The following NINJ2 variants were observed in gnomAD, a reference collection of about 807,000 sequenced individuals.
The protein encoded by NINJ2 is ninjurin 2.
A neutral mutation model predicts 11.7 loss-of-function variants in NINJ2; 12 were observed. The ratio of observed to expected loss-of-function variants is 1.02; its 90% CI spans 0.66 to 1.66. The LOEUF is 1.66. Among genes scored for constraint, NINJ2 ranks in the 40% most tolerant of loss-of-function variants. The pLI is 0.00. For missense variants in NINJ2, 187 were observed against 181.8 expected, an observed-to-expected ratio of 1.03 and a Z score of -0.16; for synonymous variants, 93 against 76.8, an observed-to-expected ratio of 1.21 and a Z score of -1.10.
chr12:583,209 G>T (rs973754428), intron 1 of NINJ2, among the ~76,000 whole-genome samples: 6 of 149,086 alleles, frequency 4.0e-5, no homozygotes, highest in African/African-American at 1.5e-4. Flanking sequence ...GTGCAGGCAG[G>T]CAGGCATGCT....
chr12:606,634 A>C (rs1348235404), intron 1 of NINJ2, among the ~76,000 whole-genome samples: 2 of 152,180 alleles, frequency 1.3e-5, no homozygotes, highest in Non-Finnish European at 2.9e-5. Flanking sequence ...GAGGAGTGAA[A>C]TGGCACTCGA....
chr12:600,059 C>T (rs1055435981), intron 1 of NINJ2, among the ~76,000 whole-genome samples: 11 of 152,222 alleles, frequency 7.2e-5, no homozygotes, highest in African/African-American at 2.7e-4. Context: ...TTCACATTTA[C>T]TCCTTTACTC....
At chr12:565,432 C>G in intron 2 of NINJ2, 31 bp from the exon 3 acceptor site, 4 of 1,607,166 alleles carry the variant, frequency 2.5e-6, no homozygotes, top group South Asian at 1.1e-5. Flanking sequence ...GGGAAAGGGT[C>G]AGAGACGGGG....
At position 652,332 on chromosome 12, in the gene NINJ2, C is replaced by T. The variant is rs566993802; in HGVS notation, c.33+10996G>A. 1.8e-3 allele frequency among the ~76,000 whole-genome samples: 272 copies of T among 152,312 alleles called. 1 individual carries two copies. Among genetic ancestry groups the T allele is most frequent in the Non-Finnish European group, 2.6e-3 (175 of 68,028 alleles). On this transcript the variant is annotated intron_variant, in intron 1 of 3. Coordinates refer to ENST00000305108, the MANE Select transcript of NINJ2 (RefSeq NM_016533.6). Reference sequence around the variant, plus strand: ...TTCTCTATCTTGCAAAATTATCCCTCTAAAGGGAAGGAGAAATAAAGACTT... The same window carrying T: ...TTCTCTATCTTGCAAAATTATCCCTTTAAAGGGAAGGAGAAATAAAGACTT...
intron 1 of NINJ2, among the ~76,000 whole-genome samples, chr12:595,620 G>A (rs1163224804): frequency 1.3e-5 from 2 of 152,206 alleles, no homozygotes; most frequent in Non-Finnish European, 2.9e-5. Flanking sequence ...GGGCGTGTTG[G>A]TGCATGCCTG....
At chr12:577,177 T>A (rs957953297) in intron 1 of NINJ2, among the ~76,000 whole-genome samples, 1 of 152,020 alleles carries the variant, frequency 6.6e-6, no homozygotes, top group East Asian at 1.9e-4. Context: ...TTTCAGTACA[T>A]TATTCAATAA....
chr12:657,594 AT>A (rs1848518739), intron 1 of NINJ2, among the ~76,000 whole-genome samples: 1 of 152,168 alleles, frequency 6.6e-6, no homozygotes, highest in Admixed American at 6.6e-5. Context: ...TTCTCAAAAA[AT>A]AAATAAATAA....
chr12:601,405 A>G lies in NINJ2; in HGVS notation c.34-35227T>C, dbSNP rs376471022. ...ACTAAAAATACAAAAAAAATTAGCCAGGCGTGGTGGCGGGCGCCTGTAGTC... is the reference window on the plus strand; with the variant it reads ...ACTAAAAATACAAAAAAAATTAGCCGGGCGTGGTGGCGGGCGCCTGTAGTC... On this transcript the variant is annotated intron_variant, in intron 1 of 3. Transcript: ENST00000305108. Among the ~76,000 whole-genome samples, 231 of 151,106 alleles carry G rather than the reference A, an allele frequency of 1.5e-3. 1 individual carries two copies. In the South Asian group the frequency reaches 0.023, roughly 15 times the overall value.
chr12:565,976 A>G lies in NINJ2; in HGVS notation c.236T>C (p.Val79Ala), dbSNP rs150149790. The change falls in exon 2 of 4, where the codon GTC becomes GCC. Residue 79 changes from valine to alanine, a missense_variant. Val to Ala is a moderately conservative substitution (Grantham distance 64, BLOSUM62 0). Transcript: ENST00000305108. ...LISLSLLLQVVIGVLLVVIAR... is the reference protein window; with the variant it reads ...LISLSLLLQVAIGVLLVVIAR... The stretch of plus-strand genomic sequence containing the variant: ...AATGACCACGAGCAGGACACCGATG[A>G]CCACCTGCAGGAGCAGAGAGAGGCT... The G allele has an allele frequency of 3.2e-4, 522 of 1,614,206 alleles. No homozygotes were observed. In the African/African-American group the frequency reaches 3.5e-3, roughly 11 times the overall value.
At chr12:642,297 C>T (rs1948428479) in intron 1 of NINJ2, among the ~76,000 whole-genome samples, 1 of 152,226 alleles carries the variant, frequency 6.6e-6, no homozygotes, top group South Asian at 2.1e-4. Flanking sequence ...ATGGTGCGAT[C>T]TCGGCTCACT....
At position 565,289 on chromosome 12, in the gene NINJ2, G is replaced by A. The variant is rs749623784; in HGVS notation, c.375C>T (p.Phe125=). ...CCAGGAACCCTGTTTTATGTGCCCC[G>A]AAGGCTGTAATGAAAACATTGATGA... ...TVVINVFITA[F]GAHKTGFLAA... is the part of the protein sequence containing the mutation. Residue 125 remains phenylalanine, a synonymous_variant, in exon 3 of 4, where the codon TTC becomes TTT. Transcript: ENST00000305108. The A allele has an allele frequency of 3.5e-5, 57 of 1,614,184 alleles. No individual in the cohort carries two copies. In the Admixed American group the frequency reaches 4.2e-4, roughly 12 times the overall value.
intron 1 of NINJ2, among the ~76,000 whole-genome samples, chr12:596,225 T>C (rs1431031308): frequency 6.6e-6 from 1 of 152,222 alleles, no homozygotes; most frequent in Non-Finnish European, 1.5e-5. Context: ...ACGGAAGCTT[T>C]ATATATAACT....
intron 1 of NINJ2, among the ~76,000 whole-genome samples, chr12:639,335 A>G (rs1381773197): frequency 6.6e-6 from 1 of 152,186 alleles, no homozygotes; most frequent in African/African-American, 2.4e-5. Context: ...AACCCTCACA[A>G]TAGTCTTATA....
chr12:612,336 C>T lies in NINJ2; in HGVS notation c.34-46158G>A, dbSNP rs372699873. 1.5e-3 allele frequency among the ~76,000 whole-genome samples: 223 copies of T among 152,254 alleles called. 6 individuals are homozygous for T. In the South Asian group the frequency reaches 0.042, roughly 28 times the overall value. On this transcript the variant is annotated intron_variant, in intron 1 of 3. Coordinates refer to ENST00000305108, the MANE Select transcript of NINJ2 (RefSeq NM_016533.6). ...GGGTGTCGGGGCAGTCGCAACCTCC[C>T]GTTCTCTGAGAAACCCCCAATTCCA...
In NINJ2 at chr12:581,039, G is replaced by A. The variant is rs942400559; in HGVS notation, c.34-14861C>T. On this transcript the variant is annotated intron_variant, in intron 1 of 3. Coordinates refer to ENST00000305108, the MANE Select transcript of NINJ2 (RefSeq NM_016533.6). This position sits in a 1 kb window ranked among gnomAD's most constrained non-coding sequence, Gnocchi z 4.9. ...GTGTTCATGTCTTGTGTATGTGTCT[G>A]TGTGTGTCTGTGTCTGTGTGTGCGT... is the stretch of plus-strand genomic sequence containing the variant. 1.3e-5 allele frequency among the ~76,000 whole-genome samples: 2 copies of A among 151,124 alleles called. No individual in the cohort carries two copies. Among genetic ancestry groups the A allele is most frequent in the Admixed American group, 6.6e-5 (1 of 15,158 alleles).
At chr12:567,147 GA>G (rs1042385516) in intron 1 of NINJ2, among the ~76,000 whole-genome samples, 23 of 152,222 alleles carry the variant, frequency 1.5e-4, no homozygotes, top group African/African-American at 5.1e-4. Flanking sequence ...GGAAGGAATG[GA>G]GGACTCTGAA....
chr12:652,149 CAAAG>C (rs780123920), intron 1 of NINJ2, among the ~76,000 whole-genome samples: 13 of 151,674 alleles, frequency 8.6e-5, no homozygotes, highest in Admixed American at 2.0e-4. Flanking sequence ...AAATCGAAGA[CAAAG>C]AAAAAATCCT....
chr12:569,687 C>T (rs1005148839), intron 1 of NINJ2, among the ~76,000 whole-genome samples: 1 of 152,186 alleles, frequency 6.6e-6, no homozygotes, highest in Non-Finnish European at 1.5e-5. Context: ...ACGGGCAGCA[C>T]GGAGGTCTTC....
chr12:611,693 C>G (rs11063864), intron 1 of NINJ2, among the ~76,000 whole-genome samples: 10,550 of 152,310 alleles, frequency 0.069, 483 homozygotes, highest in Middle Eastern at 0.12. Context: ...ATCATTTAGT[C>G]TAAACTCCTC....
Sources: gnomAD v4.1 joint callset for allele counts (sites outside exome capture counted in the v4.1 genomes callset) on GRCh38, gnomAD v4.1.1 for gene constraint, Gnocchi (gnomAD v3.1) non-coding constraint, MANE v1.5 for transcripts, NCBI Gene and HGNC (gene_info 2026-07-23, HGNC 2026-07-21) for gene names.